The following ATXN1 variants were observed in gnomAD, a reference collection of about 807,000 sequenced individuals.
ATXN1 encodes the protein ataxin 1.
Under a neutral mutation model 56.4 loss-of-function variants are expected in ATXN1, and 8 were observed. The ratio of observed to expected loss-of-function variants is 0.14; its 90% CI spans 0.08 to 0.26. The LOEUF is 0.26. Ranked by LOEUF, ATXN1 falls within the 10% of genes least tolerant of loss-of-function variation. ATXN1 has a pLI of 1.00. For missense variants in ATXN1, 987 were observed against 1,106.5 expected, an observed-to-expected ratio of 0.89 and a Z score of 1.53; for synonymous variants, 514 against 494.6, an observed-to-expected ratio of 1.04 and a Z score of -0.52.
intron 2 of ATXN1, among the ~76,000 whole-genome samples, chr6:16,751,596 A>G (rs986296085): frequency 6.6e-6 from 1 of 152,190 alleles, no homozygotes; most frequent in Non-Finnish European, 1.5e-5. Context: ...TCTAAAAAAA[A>G]AAAAACCACA....
intron 2 of ATXN1, among the ~76,000 whole-genome samples, chr6:16,733,074 G>A (rs555033634): frequency 7.2e-5 from 11 of 152,254 alleles, no homozygotes; most frequent in African/African-American, 2.4e-4. Context: ...CTGCCATGCC[G>A]GGACCCATTC....
At chr6:16,312,430 C>T (rs1170037686) in intron 7 of ATXN1, among the ~76,000 whole-genome samples, 3 of 151,766 alleles carry the variant, frequency 2.0e-5, no homozygotes. Context: ...TTACCCTTTC[C>T]TGCACGTAGG....
At chr6:16,432,239 G>A (rs141206302) in intron 6 of ATXN1, among the ~76,000 whole-genome samples, 233 of 152,258 alleles carry the variant, frequency 1.5e-3, no homozygotes, top group African/African-American at 5.4e-3. Flanking sequence ...TGTTACACTC[G>A]TTAAATTGAC....
chr6:16,592,465 G>T (rs1169135463), intron 3 of ATXN1, among the ~76,000 whole-genome samples: 1 of 152,144 alleles, frequency 6.6e-6, no homozygotes, highest in Non-Finnish European at 1.5e-5. Context: ...GGCACCAAAA[G>T]AACAGGTTTC....
At chr6:16,740,257 C>A (rs566156591) in intron 2 of ATXN1, among the ~76,000 whole-genome samples, 16 of 152,350 alleles carry the variant, frequency 1.1e-4, no homozygotes, top group African/African-American at 3.4e-4. Context: ...AGATTAGCCA[C>A]TAGATGTTGT....
rs966056301 is a variant in ATXN1 at position 16,657,864 on chromosome 6, A to T, written c.-577T>A. 2.0e-5 allele frequency: 3 copies of T among 152,206 alleles called. No individual in the cohort carries two copies. The highest frequency in any genetic ancestry group is 7.2e-5 in the African/African-American group (3 of 41,446). The allele number at this position is 152,206 out of a possible 1,614,324, so 9.4% of individuals were successfully genotyped here. ...CTGGTCTGCAGCAGCACTAAGTTTG[A>T]AGCTTCAAAATAGACTCTTTCACTA... On this transcript the variant is annotated 5_prime_UTR_variant, in exon 3 of 8. Transcript: ENST00000436367.
At chr6:16,368,117 C>G (rs1215186570) in intron 6 of ATXN1, among the ~76,000 whole-genome samples, 1 of 151,528 alleles carries the variant, frequency 6.6e-6, no homozygotes, top group African/African-American at 2.4e-5. Context: ...TTGCAGTGAG[C>G]TGAAATCATG....
At chr6:16,661,822 C>G (rs986257817) in intron 2 of ATXN1, among the ~76,000 whole-genome samples, 1 of 152,180 alleles carries the variant, frequency 6.6e-6, no homozygotes, top group Non-Finnish European at 1.5e-5. Context: ...GATTTGGAAG[C>G]AGATCCCTAC....
chr6:16,582,523 A>G (rs1762547971), intron 4 of ATXN1, among the ~76,000 whole-genome samples: 1 of 152,180 alleles, frequency 6.6e-6, no homozygotes, highest in Non-Finnish European at 1.5e-5. Flanking sequence ...AAGACACCCC[A>G]AAGTCCCCAT....
At chr6:16,649,176 A>T (rs1240493957) in intron 3 of ATXN1, among the ~76,000 whole-genome samples, 1 of 152,134 alleles carries the variant, frequency 6.6e-6, no homozygotes, top group Non-Finnish European at 1.5e-5. Context: ...TCCTTTGGAA[A>T]GAACTTTTGA....
rs1425115094 is a variant in ATXN1, at chr6:16,760,777, G to C, written c.-730+521C>G. On this transcript the variant is annotated intron_variant, in intron 1 of 7. Transcript: ENST00000436367. This position sits in a 1 kb window ranked among gnomAD's most constrained non-coding sequence, Gnocchi z 5.3. ...CGCCCTCTCCGGGGAGGAGGAATGG[G>C]AAGAGGGCGGCCGGGAAAGGGACCA... is the stretch of plus-strand genomic sequence containing the variant. Among the ~76,000 whole-genome samples the C allele has an allele frequency of 1.3e-5, 2 of 151,322 alleles. No individual in the cohort carries two copies. Among genetic ancestry groups the C allele is most frequent in the South Asian group, 4.2e-4 (2 of 4,814 alleles).
chr6:16,318,433 C>A (rs184351999), intron 7 of ATXN1, among the ~76,000 whole-genome samples: 36 of 152,244 alleles, frequency 2.4e-4, no homozygotes, highest in African/African-American at 3.4e-4. Context: ...TAGAGAAAGG[C>A]CGGTCTGCTT....
At chr6:16,351,844 T>TGTGCTGAC (rs1761575526) in intron 6 of ATXN1, among the ~76,000 whole-genome samples, 1 of 152,228 alleles carries the variant, frequency 6.6e-6, no homozygotes, top group African/African-American at 2.4e-5. Flanking sequence ...GTCCCAGATG[T>TGTGCTGAC]GTGCTGACGG....
intron 2 of ATXN1, among the ~76,000 whole-genome samples, chr6:16,709,035 AAAAG>A (rs1230561093): frequency 2.7e-5 from 4 of 149,382 alleles, no homozygotes; most frequent in African/African-American, 1.0e-4. Context: ...CAAAAAAAAA[AAAAG>A]AAAAGAAAAG....
At chr6:16,696,422 A>G (rs1759166954) in intron 2 of ATXN1, among the ~76,000 whole-genome samples, 1 of 152,208 alleles carries the variant, frequency 6.6e-6, no homozygotes, top group Non-Finnish European at 1.5e-5. Flanking sequence ...GTTAAATTAT[A>G]TTCACTATAT....
intron 4 of ATXN1, among the ~76,000 whole-genome samples, chr6:16,525,338 C>T (rs1761370457): frequency 6.6e-6 from 1 of 152,032 alleles, no homozygotes; most frequent in African/African-American, 2.4e-5. Context: ...TATTATTCAG[C>T]CATAAAAAAG....
intron 4 of ATXN1, among the ~76,000 whole-genome samples, chr6:16,522,997 C>G (rs942465336): frequency 1.3e-5 from 2 of 152,074 alleles, no homozygotes; most frequent in Non-Finnish European, 2.9e-5. Context: ...TTTTTAGGTG[C>G]CTTTCTTAAA....
chr6:16,348,338 TAC>T (rs1213826672), intron 6 of ATXN1, among the ~76,000 whole-genome samples: 1 of 152,156 alleles, frequency 6.6e-6, no homozygotes, highest in Non-Finnish European at 1.5e-5. Flanking sequence ...GTGTTAGAAT[TAC>T]AGATATGAGC....
chr6:16,606,044 G>A (rs1296236326), intron 3 of ATXN1, among the ~76,000 whole-genome samples: 6 of 152,108 alleles, frequency 3.9e-5, no homozygotes, highest in South Asian at 2.1e-4. Flanking sequence ...TGGGGGGATC[G>A]CTTGAACCCA....
Sources: allele counts gnomAD v4.1 joint callset (sites outside exome capture counted in the v4.1 genomes callset), GRCh38; gene constraint gnomAD v4.1.1; non-coding constraint Gnocchi (gnomAD v3.1); transcripts MANE v1.5; gene names NCBI Gene and HGNC (gene_info 2026-07-23, HGNC 2026-07-21).